MAGI2: variants seen among roughly 807,000 people sequenced by gnomAD.
MAGI2 encodes membrane-associated guanylate kinase, WW and PDZ domain-containing protein 2.
A neutral mutation model predicts 133.3 loss-of-function variants in MAGI2; 35 were observed. The ratio of observed to expected loss-of-function variants is 0.26; its 90% CI spans 0.20 to 0.35. MAGI2 has a LOEUF of 0.35. Ranked by LOEUF, MAGI2 falls within the 10% of genes least tolerant of loss-of-function variation. The pLI, the probability that MAGI2 is intolerant of heterozygous loss-of-function variation, is 1.00. For synonymous variants in MAGI2, 729 were observed against 710.6 expected (o/e 1.03, Z -0.41); for missense variants, 1,636 against 1,863.4 (o/e 0.88, Z 2.25).
chr7:78,119,361 C>T (rs1820190534), intron 20 of MAGI2, among the ~76,000 whole-genome samples: 1 of 151,788 alleles, frequency 6.6e-6, no homozygotes, highest in Admixed American at 6.6e-5. Flanking sequence ...GGGATAGAGA[C>T]CATCCTGGCT....
intron 1 of MAGI2, among the ~76,000 whole-genome samples, chr7:79,396,833 C>T (rs1371731409): frequency 2.0e-5 from 3 of 152,178 alleles, no homozygotes; most frequent in Non-Finnish European, 2.9e-5. Flanking sequence ...ATACATTATA[C>T]TTCTTAAAAC....
intron 2 of MAGI2, among the ~76,000 whole-genome samples, chr7:78,963,678 G>C (rs1803056452): frequency 6.6e-6 from 1 of 151,586 alleles, no homozygotes; most frequent in African/African-American, 2.4e-5. Context: ...ACTCCTGAAA[G>C]CTTGGCTTAA....
chr7:78,694,694 T>A (rs929982812), intron 2 of MAGI2, among the ~76,000 whole-genome samples: 3 of 152,162 alleles, frequency 2.0e-5, no homozygotes, highest in African/African-American at 7.2e-5. Context: ...TGGATTTAAA[T>A]CCCAGATTTG....
intron 1 of MAGI2, among the ~76,000 whole-genome samples, chr7:79,258,897 G>A (rs113525020): frequency 2.6e-5 from 4 of 152,202 alleles, no homozygotes; most frequent in African/African-American, 9.6e-5. Flanking sequence ...TTTCAAAATG[G>A]AGCAATCTAC....
chr7:78,110,544 A>C (rs1410029005), intron 20 of MAGI2, among the ~76,000 whole-genome samples: 1 of 152,178 alleles, frequency 6.6e-6, no homozygotes, highest in Non-Finnish European at 1.5e-5. Flanking sequence ...AAATAATGAG[A>C]CATAAGCCTG....
chr7:79,099,096 C>CATTAAATAA (rs555004024), intron 1 of MAGI2, among the ~76,000 whole-genome samples: 574 of 152,192 alleles, frequency 3.8e-3, no homozygotes, highest in African/African-American at 0.014. Context: ...ATGATTTGAA[C>CATTAAATAA]ATTAAATAAA....
chr7:78,386,764 A>G lies in MAGI2; in HGVS notation c.1046-17551T>C, dbSNP rs553266250. Among the ~76,000 whole-genome samples the G allele has an allele frequency of 3.9e-5, 6 of 152,318 alleles. No homozygotes were observed. In the South Asian group the frequency reaches 1.2e-3, roughly 32 times the overall value. ...AGCAACTTTGGAAGACTCTACATGC[A>G]AACACGAAAACTATTCAACAGCACT... On this transcript the variant is annotated intron_variant, in intron 6 of 21. Transcript: ENST00000354212.
chr7:78,849,486 T>C (rs1296085393), intron 2 of MAGI2, among the ~76,000 whole-genome samples: 1 of 151,922 alleles, frequency 6.6e-6, no homozygotes, highest in African/African-American at 2.4e-5. Flanking sequence ...AGGTAACACA[T>C]GAAGGCTGCA....
At chr7:78,330,909 G>A (rs1265583937) in intron 9 of MAGI2, among the ~76,000 whole-genome samples, 3 of 152,140 alleles carry the variant, frequency 2.0e-5, no homozygotes, top group Non-Finnish European at 4.4e-5. Context: ...AGACAGAGTA[G>A]TACGAACTGA....
intron 10 of MAGI2, among the ~76,000 whole-genome samples, chr7:78,227,617 G>A (rs944533135): frequency 6.6e-6 from 1 of 152,152 alleles, no homozygotes; most frequent in Non-Finnish European, 1.5e-5. Context: ...TAGACTTTAA[G>A]TATATTTCTC....
intron 1 of MAGI2, among the ~76,000 whole-genome samples, chr7:79,393,548 A>C (rs1362399211): frequency 6.6e-6 from 1 of 152,194 alleles, no homozygotes; most frequent in African/African-American, 2.4e-5. Flanking sequence ...CAAAGCCAGA[A>C]AAAGTAATTC....
chr7:79,043,005 T>A (rs1211057898), intron 1 of MAGI2, among the ~76,000 whole-genome samples: 1 of 151,986 alleles, frequency 6.6e-6, no homozygotes, highest in Admixed American at 6.6e-5. Flanking sequence ...TGACATTAAG[T>A]CAGAAATCAA....
chr7:78,131,116 T>C (rs1210709906), intron 18 of MAGI2, among the ~76,000 whole-genome samples: 1 of 152,204 alleles, frequency 6.6e-6, no homozygotes, highest in Non-Finnish European at 1.5e-5. Context: ...GCTGGGGTGC[T>C]CAAGTCCTTC....
rs78390568 is a variant in MAGI2 at position 79,251,257 on chromosome 7, G to C, written c.301+201763C>G. ...AAATGGGATCCCATCAAGTAAAAAA[G>C]GTCCTGCAGAGTCAAGGAAACAATC... On this transcript the variant is annotated intron_variant, in intron 1 of 21. Coordinates refer to ENST00000354212, the MANE Select transcript of MAGI2 (RefSeq NM_012301.4). Among the ~76,000 whole-genome samples, 319 of 152,058 alleles carry C rather than the reference G, an allele frequency of 2.1e-3. 1 individual carries two copies. The highest frequency in any genetic ancestry group is 7.1e-3 in the African/African-American group (294 of 41,472).
chr7:78,882,796 A>G (rs919164985), intron 2 of MAGI2, among the ~76,000 whole-genome samples: 1 of 152,156 alleles, frequency 6.6e-6, no homozygotes, highest in African/African-American at 2.4e-5. Context: ...AGCTTTTGAT[A>G]AAACCCAACA....
rs75892035 is a variant in MAGI2 at position 78,131,180 on chromosome 7, T to A, written c.3203+1709A>T. On this transcript the variant is annotated intron_variant, in intron 18 of 21. Coordinates refer to ENST00000354212, the MANE Select transcript of MAGI2 (RefSeq NM_012301.4). ...AAGCCAGTGCAATCTGTTGAAGTGA[T>A]AGATGTTGAGAGCAAACCCATCTGG... 1.4e-3 allele frequency among the ~76,000 whole-genome samples: 209 copies of A among 152,356 alleles called. 1 individual carries two copies. Among genetic ancestry groups the A allele is most frequent in the African/African-American group, 4.7e-3 (194 of 41,592 alleles).
chr7:78,639,108 A>G (rs1303057340), intron 2 of MAGI2, among the ~76,000 whole-genome samples: 3 of 152,210 alleles, frequency 2.0e-5, no homozygotes, highest in Non-Finnish European at 4.4e-5. Flanking sequence ...GTGGATCATA[A>G]CTTTATCATT....
intron 1 of MAGI2, among the ~76,000 whole-genome samples, chr7:79,174,313 C>T (rs1427616200): frequency 6.6e-6 from 1 of 151,804 alleles, no homozygotes; most frequent in African/African-American, 2.4e-5. Flanking sequence ...TTTAAGATTA[C>T]TATAATAAAT....
At chr7:78,294,263 T>C (rs1030741021) in intron 9 of MAGI2, among the ~76,000 whole-genome samples, 3 of 152,084 alleles carry the variant, frequency 2.0e-5, no homozygotes, top group South Asian at 2.1e-4. Context: ...GAATGGCACA[T>C]TGGATGTAAA....
Sources: gnomAD v4.1 joint callset for allele counts (sites outside exome capture counted in the v4.1 genomes callset) on GRCh38, gnomAD v4.1.1 for gene constraint, MANE v1.5 for transcripts, NCBI Gene and HGNC (gene_info 2026-07-23, HGNC 2026-07-21) for gene names.